The following CCDC102B variants were observed in gnomAD, a reference collection of about 807,000 sequenced individuals.
The protein encoded by CCDC102B is coiled-coil domain-containing protein 102B.
A neutral mutation model predicts 57.4 loss-of-function variants in CCDC102B; 75 were observed. The observed-to-expected ratio is 1.31, with a 90% CI of 1.08 to 1.58. CCDC102B has a LOEUF of 1.58. Among genes scored for constraint, CCDC102B ranks in the 40% most tolerant of loss-of-function variants. The pLI is 0.00. For missense variants in CCDC102B, 636 were observed against 582.6 expected (o/e 1.09, Z -0.94); for synonymous variants, 206 against 201.9 (o/e 1.02, Z -0.17).
chr18:68,773,928 G>A (rs2034725819), intron 2 of CCDC102B, among the ~76,000 whole-genome samples: 1 of 151,876 alleles, frequency 6.6e-6, no homozygotes, highest in African/African-American at 2.4e-5. Context: ...GTGCTTAAGA[G>A]TAAAAACATT....
chr18:68,980,903 C>G (rs956771647), intron 6 of CCDC102B, among the ~76,000 whole-genome samples: 1 of 151,818 alleles, frequency 6.6e-6, no homozygotes, highest in African/African-American at 2.4e-5. Context: ...GAGTTTTGGG[C>G]AGAGGATTGA....
intron 7 of CCDC102B, among the ~76,000 whole-genome samples, chr18:69,023,079 A>C (rs968035841): frequency 2.0e-5 from 3 of 152,156 alleles, no homozygotes; most frequent in Non-Finnish European, 2.9e-5. Context: ...AGGCAAATGA[A>C]AAATACAAAC....
At chr18:68,778,235 T>C (rs1181653856) in intron 2 of CCDC102B, among the ~76,000 whole-genome samples, 1 of 152,164 alleles carries the variant, frequency 6.6e-6, no homozygotes, top group Non-Finnish European at 1.5e-5. Flanking sequence ...AAAATCTCTC[T>C]TTGCCAGAAA....
chr18:68,751,866 T>A (rs913605109), intron 2 of CCDC102B, among the ~76,000 whole-genome samples: 2 of 151,858 alleles, frequency 1.3e-5, no homozygotes, highest in African/African-American at 4.8e-5. Context: ...TTAAAGAAAC[T>A]CAAAGCAGAA....
chr18:69,050,627 A>G (rs1291174916), intron 7 of CCDC102B, among the ~76,000 whole-genome samples: 2 of 152,168 alleles, frequency 1.3e-5, no homozygotes, highest in African/African-American at 4.8e-5. Flanking sequence ...ATCTTATTTC[A>G]TCTTCATTAC....
intron 3 of CCDC102B, among the ~76,000 whole-genome samples, chr18:68,843,058 A>G (rs1188922223): frequency 1.3e-5 from 2 of 152,058 alleles, no homozygotes; most frequent in African/African-American, 4.8e-5. Context: ...TTCTTTAAAC[A>G]CTTATCTTTT....
At chr18:68,999,970 A>G (rs1166136338) in intron 6 of CCDC102B, among the ~76,000 whole-genome samples, 1 of 152,188 alleles carries the variant, frequency 6.6e-6, no homozygotes, top group African/African-American at 2.4e-5. Context: ...TTTCTTTCCT[A>G]TTGATATAGT....
rs2051999084 is a variant in CCDC102B, at chr18:69,026,559, CAG to C, written c.1434+15462_1434+15463del. ...ATACGGCATTCAGAGGCTTGGCACACAGAGAGAGGATCAACAAAAGCCCAGAG... is the reference window on the plus strand; with the variant it reads ...ATACGGCATTCAGAGGCTTGGCACACAGAGAGGATCAACAAAAGCCCAGAG... On this transcript the variant is annotated intron_variant, in intron 7 of 7. Transcript: ENST00000360242. Among the ~76,000 whole-genome samples the C allele has an allele frequency of 2.0e-5, 3 of 151,502 alleles. 1 individual carries two copies. The South Asian group carries it at 6.3e-4, about 32-fold the overall frequency.
chr18:68,827,182 T>G (rs1211268628), intron 1 of CCDC102B, among the ~76,000 whole-genome samples: 2 of 152,012 alleles, frequency 1.3e-5, no homozygotes, highest in Non-Finnish European at 2.9e-5. Flanking sequence ...TAAAGGAAAT[T>G]CTATAAACAG....
chr18:68,861,137 T>TA (rs34120526), intron 4 of CCDC102B, among the ~76,000 whole-genome samples: 25,048 of 150,288 alleles, frequency 0.17, 2,785 homozygotes, highest in African/African-American at 0.31. Context: ...TAAAACATAA[T>TA]AAAAAAAAAA....
intron 7 of CCDC102B, among the ~76,000 whole-genome samples, chr18:69,035,945 C>T (rs1198458901): frequency 6.6e-6 from 1 of 152,052 alleles, no homozygotes; most frequent in African/African-American, 2.4e-5. Context: ...TAAGGACACC[C>T]CACTGTGGAT....
chr18:68,834,574 T>C (rs7244555), intron 1 of CCDC102B, among the ~76,000 whole-genome samples: 27,414 of 150,742 alleles, frequency 0.18, 2,678 homozygotes, highest in Non-Finnish European at 0.23. Flanking sequence ...AACAAAACAC[T>C]CCAAATCAGC....
intron 6 of CCDC102B, among the ~76,000 whole-genome samples, chr18:69,003,294 AAT>A (rs1404320348): frequency 6.6e-6 from 1 of 152,210 alleles, no homozygotes; most frequent in African/African-American, 2.4e-5. Flanking sequence ...GTATCATTTA[AAT>A]GATCATAACT....
intron 1 of CCDC102B, among the ~76,000 whole-genome samples, chr18:68,828,939 A>T (rs192700557): frequency 6.6e-6 from 1 of 152,002 alleles, no homozygotes; most frequent in African/African-American, 2.4e-5. Flanking sequence ...CTTAGTGGGT[A>T]TATTTGAAAA....
chr18:68,906,370 C>T (rs76300299), intron 6 of CCDC102B, among the ~76,000 whole-genome samples: 2 of 152,082 alleles, frequency 1.3e-5, no homozygotes, highest in Non-Finnish European at 2.9e-5. Context: ...GATGGTAATT[C>T]TATCTCTGTA....
intron 6 of CCDC102B, among the ~76,000 whole-genome samples, chr18:68,966,350 G>A (rs762598386): frequency 6.6e-6 from 1 of 152,068 alleles, no homozygotes; most frequent in Non-Finnish European, 1.5e-5. Flanking sequence ...ACAATCCTTT[G>A]TTAAGAGCTG....
At chr18:68,803,310 T>G (rs546059706) in intron 1 of CCDC102B, among the ~76,000 whole-genome samples, 22 of 152,304 alleles carry the variant, frequency 1.4e-4, no homozygotes, top group Non-Finnish European at 3.1e-4. Flanking sequence ...TAAAACCCCT[T>G]TCTTTACATT....
chr18:68,917,728 C>T (rs1295683652), intron 6 of CCDC102B, among the ~76,000 whole-genome samples: 1 of 152,114 alleles, frequency 6.6e-6, no homozygotes, highest in Non-Finnish European at 1.5e-5. Context: ...CGGATGCTTT[C>T]TTTTAGCATC....
At chr18:68,759,471 A>G (rs1005132423) in intron 2 of CCDC102B, among the ~76,000 whole-genome samples, 1 of 151,598 alleles carries the variant, frequency 6.6e-6, no homozygotes, top group East Asian at 1.9e-4. Context: ...GGTGAAGGGA[A>G]CAGGTGACAG....
Sources: gnomAD v4.1 joint callset for allele counts (sites outside exome capture counted in the v4.1 genomes callset) on GRCh38, gnomAD v4.1.1 for gene constraint, MANE v1.5 for transcripts, NCBI Gene and HGNC (gene_info 2026-07-23, HGNC 2026-07-21) for gene names.